Variants in IRAG2 observed in about 807,000 individuals in gnomAD.
IRAG2 encodes inositol 1,4,5-triphosphate receptor associated 2.
Under a neutral mutation model 69.9 loss-of-function variants are expected in IRAG2, and 45 were observed. The ratio of observed to expected loss-of-function variants is 0.64; its 90% CI spans 0.51 to 0.83. The LOEUF is 0.83. Ranked by LOEUF, IRAG2 falls within the 40% of genes least tolerant of loss-of-function variation. The pLI, the probability that IRAG2 is intolerant of heterozygous loss-of-function variation, is 0.00. For synonymous variants in IRAG2, 193 were observed against 202.4 expected, an observed-to-expected ratio of 0.95 and a Z score of 0.40; for missense variants, 520 against 587.0, an observed-to-expected ratio of 0.89 and a Z score of 1.18.
intron 16 of IRAG2, among the ~76,000 whole-genome samples, chr12:25,043,379 TA>T (rs1374161366): frequency 3.3e-5 from 5 of 152,184 alleles, no homozygotes; most frequent in African/African-American, 1.2e-4. Context: ...TCACTTGTCT[TA>T]TAGTGCTAAT....
intron 21 of IRAG2, 41 bp from the exon 22 acceptor site, chr12:25,107,776 A>C: frequency 6.3e-7 from 1 of 1,591,926 alleles, no homozygotes; most frequent in Non-Finnish European, 8.6e-7. Context: ...TTCTAATGAC[A>C]AATTACCGAT....
chr12:25,056,938 G>A (rs1367579734), intron 1 of IRAG2, among the ~76,000 whole-genome samples: 1 of 152,124 alleles, frequency 6.6e-6, no homozygotes, highest in African/African-American at 2.4e-5. Flanking sequence ...GGACTTTATA[G>A]GGCTCTACCC....
At position 25,004,602 on chromosome 12, in the gene IRAG2, A is replaced by C. The variant is rs1944416853; in HGVS notation, c.261A>C (p.Ser87=). Residue 87 remains serine (S), a synonymous_variant, in exon 1 of 39, where the codon TCA becomes TCC. Transcript: ENST00000636465. ...CTGAGGAAGTCGATGCCTTCATTTC[A>C]TCGCCTCAAATAATATCTCCAAGAA... The C allele has an allele frequency of 9.7e-6, 12 of 1,232,098 alleles. No homozygotes were observed. The East Asian group carries it at 3.8e-4, about 39-fold the overall frequency. The allele number at this position is 1,232,098 out of a possible 1,614,324, so 76.3% of individuals were successfully genotyped here. A position where few individuals can be genotyped will look rare whatever the true frequency, so the allele number is the denominator to read the frequency against.
chr12:25,030,382 C>T (rs1018091905), intron 10 of IRAG2: 2 of 1,172,746 alleles, frequency 1.7e-6, no homozygotes, highest in African/African-American at 3.2e-5. Flanking sequence ...GGCTAGCTCT[C>T]TCCAAATCTG....
rs7969931 is a variant in IRAG2 at position 25,089,661 on chromosome 12, C to A, written c.421C>A (p.Leu141Ile). ...LPVTTVKSVNLRQSENTSANE... is the reference protein window; with the variant it reads ...LPVTTVKSVNIRQSENTSANE... ...TGTAACCACTGTGAAATCGGTTAACCTTAGACAAAGTGAGAAGTAAGTGCT... is the reference window on the plus strand; with the variant it reads ...TGTAACCACTGTGAAATCGGTTAACATTAGACAAAGTGAGAAGTAAGTGCT... Residue 141 changes from leucine (L) to isoleucine (I), a missense_variant, in exon 12 of 22, where the codon CTT becomes ATT. Leu to Ile is a conservative substitution (Grantham distance 5). Transcript: ENST00000556887. 14 of 1,605,034 alleles carry A rather than the reference C, an allele frequency of 8.7e-6. No individual in the cohort carries two copies. Among genetic ancestry groups the A allele is most frequent in the South Asian group, 3.3e-5 (3 of 90,836 alleles).
At chr12:25,066,189 A>C (rs553783201) in intron 4 of IRAG2, among the ~76,000 whole-genome samples, 176 bp from the exon 5 acceptor site, 4 of 152,232 alleles carry the variant, frequency 2.6e-5, no homozygotes, top group East Asian at 1.9e-4. Context: ...GTTAAAATTA[A>C]GCATTTGACG....
At position 25,052,864 on chromosome 12, in the gene IRAG2, A is replaced by G; in HGVS notation, c.-539A>G. On this transcript the variant is annotated 5_prime_UTR_variant, in exon 1 of 22. Transcript: ENST00000556887. Reference sequence around the variant, plus strand: ...ACGTCTTTACTGCATAAATTAGAGGAAGCAATTTCGGAACAACGGAACCTT... The same window carrying G: ...ACGTCTTTACTGCATAAATTAGAGGGAGCAATTTCGGAACAACGGAACCTT... The G allele has an allele frequency of 2.5e-6, 1 of 398,600 alleles. No homozygotes were observed. Among genetic ancestry groups the G allele is most frequent in the Non-Finnish European group, 4.4e-6 (1 of 226,056 alleles). The allele number at this position is 398,600 out of a possible 1,614,324, so 24.7% of individuals were successfully genotyped here.
At chr12:25,061,686 T>C (rs952265) in intron 2 of IRAG2, 33 bp downstream of exon 2, 195,599 of 398,288 alleles carry the variant, frequency 0.49, 51,205 homozygotes, top group South Asian at 0.63. Flanking sequence ...TCAGTTACTG[T>C]GGAGGAAGTT....
At chr12:25,104,198 CTAAT>C in intron 19 of IRAG2, 140 bp downstream of exon 19, 1 of 865,490 alleles carries the variant, frequency 1.2e-6, no homozygotes, top group Non-Finnish European at 1.8e-6. Flanking sequence ...AAATTGGTAT[CTAAT>C]TATGAAGTTT....
chr12:25,077,255 T>G (rs11047817), intron 6 of IRAG2, among the ~76,000 whole-genome samples: 1 of 32,864 alleles, frequency 3.0e-5, no homozygotes, highest in African/African-American at 9.7e-5. Context: ...ATATATATGA[T>G]ATATATATGA....
chr12:25,050,217 G>T (rs1343701584), upstream of IRAG2, among the ~76,000 whole-genome samples: 1 of 151,804 alleles, frequency 6.6e-6, no homozygotes, highest in Admixed American at 6.6e-5. Context: ...GGAATGGAAA[G>T]TGGTGCAGGC....
intron 7 of IRAG2, among the ~76,000 whole-genome samples, chr12:25,023,098 C>T (rs1013181602): frequency 1.6e-4 from 23 of 146,102 alleles, no homozygotes; most frequent in African/African-American, 5.6e-4. Context: ...TGTACCCCAG[C>T]CTGGGCAACA....
intron 2 of IRAG2, among the ~76,000 whole-genome samples, chr12:25,009,829 A>C (rs897982227): frequency 6.6e-6 from 1 of 151,932 alleles, no homozygotes; most frequent in Non-Finnish European, 1.5e-5. Context: ...TCAATGTCCC[A>C]GTTGGAAGGA....
Position 25,023,870 on chromosome 12 carries a change from G to A in IRAG2, c.1333-1G>A, listed in dbSNP as rs1009227302. 9 of 1,219,278 alleles carry A rather than the reference G, an allele frequency of 7.4e-6. No individual in the cohort carries two copies. The highest frequency in any genetic ancestry group is 3.1e-4 in the Middle Eastern group (1 of 3,182). 75.5% of individuals were successfully genotyped at this position (1,219,278 alleles called of 1,614,324 possible). A position where few individuals can be genotyped will look rare whatever the true frequency, so the allele number is the denominator to read the frequency against. ...TAATTATTTTTCTCACAATGAATTAGGAGACAGAAAACCGGGCTCTGATTC... is the reference window on the plus strand; with the variant it reads ...TAATTATTTTTCTCACAATGAATTAAGAGACAGAAAACCGGGCTCTGATTC... On this transcript the variant is annotated splice_acceptor_variant, in intron 7 of 38. Transcript: ENST00000636465. LOFTEE classifies it high-confidence loss of function.
exon 3 of IRAG2, chr12:25,011,454 T>C: frequency 8.1e-7 from 1 of 1,231,696 alleles, no homozygotes; most frequent in Non-Finnish European, 1.0e-6. Context: ...TGAGCAGTTG[T>C]GGAACATGCT....
chr12:25,049,846 A>C (rs1332623734), upstream of IRAG2, among the ~76,000 whole-genome samples: 1 of 151,792 alleles, frequency 6.6e-6, no homozygotes, highest in Non-Finnish European at 1.5e-5. Flanking sequence ...AGCCAGGCAT[A>C]GTGGCAGGCG....
rs908193353 is a variant in IRAG2, at chr12:25,084,491, GGTCTTGCTTAT to G, written c.315+1018_315+1028del. On this transcript the variant is annotated intron_variant, in intron 10 of 21. Transcript: ENST00000556887. ...AGGTCTAATTTCATGATTCTTCAAG[GGTCTTGCTTAT>G]GTCTTGCTTATGTCTTGCTATGTTG... Among the ~76,000 whole-genome samples, 172 of 151,842 alleles carry G rather than the reference GGTCTTGCTTAT, an allele frequency of 1.1e-3. 1 individual carries two copies. The highest frequency in any genetic ancestry group is 3.3e-3 in the African/African-American group (135 of 41,386).
chr12:25,001,157 T>C (rs1944388813), upstream of IRAG2, among the ~76,000 whole-genome samples: 1 of 152,168 alleles, frequency 6.6e-6, no homozygotes. Flanking sequence ...TTCAGTGCAC[T>C]CTTTATAAGG....
At chr12:25,052,247 A>G (rs573677348), upstream of IRAG2, 47 of 385,556 alleles carry the variant, frequency 1.2e-4, no homozygotes, top group African/African-American at 6.7e-4. Context: ...AGAAACAACT[A>G]GAAGCCATTA....
Sources: gnomAD v4.1 joint callset for allele counts (sites outside exome capture counted in the v4.1 genomes callset) on GRCh38, gnomAD v4.1.1 for gene constraint, MANE v1.5 for transcripts, NCBI Gene and HGNC (gene_info 2026-07-23, HGNC 2026-07-21) for gene names.